Variants in TANC1 observed in about 807,000 individuals in gnomAD.
TANC1 encodes the protein tetratricopeptide repeat, ankyrin repeat and coiled-coil containing 1, also known as protein TANC1.
In TANC1, 77 loss-of-function variants were observed where a neutral mutation model predicts 149.7. That is an observed-to-expected ratio of 0.51 (90% CI 0.43 to 0.62). The LOEUF (loss-of-function observed/expected upper bound fraction) is 0.62, where lower values mean the gene tolerates loss of function less well. TANC1 is among the 20% of genes least tolerant of loss of function. TANC1 has a pLI of 0.00. For synonymous variants in TANC1, 854 were observed against 925.0 expected, an observed-to-expected ratio of 0.92 and a Z score of 1.39; for missense variants, 1,985 against 2,321.8, an observed-to-expected ratio of 0.85 and a Z score of 2.98.
chr2:159,165,056 T>C (rs2054443251), intron 8 of TANC1, among the ~76,000 whole-genome samples: 1 of 152,246 alleles, frequency 6.6e-6, no homozygotes, highest in Non-Finnish European at 1.5e-5. Flanking sequence ...ATCCCAGAAC[T>C]TGATCACTTT....
intron 2 of TANC1, among the ~76,000 whole-genome samples, chr2:159,058,308 T>G (rs2041997489): frequency 6.6e-6 from 1 of 152,238 alleles, no homozygotes; most frequent in Admixed American, 6.5e-5. Flanking sequence ...AATGTGCACT[T>G]CTTCATGTAT....
At chr2:159,228,487 C>A in intron 25 of TANC1, 1 of 340,882 alleles carries the variant, frequency 2.9e-6, no homozygotes. Flanking sequence ...CTGTGCCCTG[C>A]TGCCGGAATA....
Position 159,134,636 on chromosome 2 carries a change from C to A in TANC1, c.260-1558C>A, listed in dbSNP as rs1405284839. 9.8e-5 allele frequency among the ~76,000 whole-genome samples: 15 copies of A among 152,290 alleles called. No individual in the cohort carries two copies. In the East Asian group the frequency reaches 2.5e-3, roughly 25 times the overall value. ...TAGCTGGGATTACAGGCGCCCACTA[C>A]CGCGCCTGGCTAATTTTTGTATTTT... On this transcript the variant is annotated intron_variant, in intron 4 of 26. Coordinates refer to ENST00000263635, the MANE Select transcript of TANC1 (RefSeq NM_033394.3).
At chr2:159,114,780 C>A (rs1473385959) in intron 4 of TANC1, among the ~76,000 whole-genome samples, 1 of 152,194 alleles carries the variant, frequency 6.6e-6, no homozygotes, top group Non-Finnish European at 1.5e-5. Context: ...AGCTCTTACT[C>A]CCCCAGTTCT....
chr2:158,998,313 A>G (rs1328867987), intron 1 of TANC1, among the ~76,000 whole-genome samples: 1 of 152,166 alleles, frequency 6.6e-6, no homozygotes, highest in African/African-American at 2.4e-5. Flanking sequence ...CCTAGATTCT[A>G]TAATTAAGAT....
At chr2:159,055,157 G>T (rs537778135) in intron 2 of TANC1, among the ~76,000 whole-genome samples, 1 of 152,326 alleles carries the variant, frequency 6.6e-6, no homozygotes, top group East Asian at 1.9e-4. Flanking sequence ...TCATAAGGAG[G>T]ATTGGGACTT....
chr2:159,016,426 T>G (rs2038272150), intron 2 of TANC1, among the ~76,000 whole-genome samples: 1 of 152,152 alleles, frequency 6.6e-6, no homozygotes, highest in Non-Finnish European at 1.5e-5. Flanking sequence ...CAAACCATAT[T>G]AGACTTTGAC....
At chr2:159,035,967 G>A (rs1408730492) in intron 2 of TANC1, among the ~76,000 whole-genome samples, 1 of 152,204 alleles carries the variant, frequency 6.6e-6, no homozygotes, top group Non-Finnish European at 1.5e-5. Flanking sequence ...TCCGGACAGA[G>A]GGTCTGAGAG....
In TANC1 at chr2:159,043,820, C is replaced by T. The variant is rs79527259; in HGVS notation, c.-15-22076C>T. Among the ~76,000 whole-genome samples the T allele has an allele frequency of 1.7e-3, 260 of 152,262 alleles. 2 individuals carry two copies. In the East Asian group the frequency reaches 0.031, roughly 18 times the overall value. ...TTTCATTCTTCTACTCCTTATTCCCCGTGAAAAACTTCTTAAAGTTTAATG... is the reference window on the plus strand; with the variant it reads ...TTTCATTCTTCTACTCCTTATTCCCTGTGAAAAACTTCTTAAAGTTTAATG... On this transcript the variant is annotated intron_variant, in intron 2 of 26. Transcript: ENST00000263635.
intron 16 of TANC1, among the ~76,000 whole-genome samples, chr2:159,189,065 C>A (rs560145564): frequency 1.3e-4 from 20 of 152,342 alleles, no homozygotes; most frequent in African/African-American, 4.8e-4. Context: ...TTGGCTTTCT[C>A]ACCTATAAAG....
rs2057020874 is a variant in TANC1 at position 159,186,930 on chromosome 2, C to G, written c.2648C>G (p.Ser883Ter). 2 of 1,614,204 alleles carry G rather than the reference C, an allele frequency of 1.2e-6. No homozygotes were observed. Among genetic ancestry groups the G allele is most frequent in the East Asian group, 4.5e-5 (2 of 44,880 alleles). Residue 883 changes from serine to a stop codon, truncating the protein, a stop_gained, in exon 16 of 27, where the codon TCA (serine) becomes TGA (stop). Coordinates refer to ENST00000263635, the MANE Select transcript of TANC1 (RefSeq NM_033394.3). LOFTEE classifies it high-confidence loss of function. ...CTCAGTAAGAAGACGGGAATTTCTTCAAGCCATCTCCAAGCCCTGTGGATC... is the reference window on the plus strand; with the variant it reads ...CTCAGTAAGAAGACGGGAATTTCTTGAAGCCATCTCCAAGCCCTGTGGATC... Reference protein sequence around the residue: ...KGLSKKTGISSSHLQALWIGY... With the variant: ...KGLSKKTGIS
At chr2:159,208,834 C>T (rs542841919) in intron 19 of TANC1, among the ~76,000 whole-genome samples, 3 of 152,274 alleles carry the variant, frequency 2.0e-5, no homozygotes, top group East Asian at 3.9e-4. Context: ...TTGGTCATTG[C>T]GTGAAAATCC....
At chr2:159,150,310 A>C (rs2052638780) in intron 6 of TANC1, 60 bp from the exon 7 acceptor site, 2 of 1,399,824 alleles carry the variant, frequency 1.4e-6, no homozygotes, top group Non-Finnish European at 2.0e-6. Context: ...CAAAAACAAA[A>C]GCATGTGTCG....
intron 2 of TANC1, among the ~76,000 whole-genome samples, chr2:159,004,755 G>A (rs1040313583): frequency 2.6e-5 from 4 of 152,002 alleles, no homozygotes; most frequent in African/African-American, 7.2e-5. Flanking sequence ...AATATTTGCC[G>A]AGACCAGCTC....
At chr2:159,057,977 G>T (rs986025990) in intron 2 of TANC1, among the ~76,000 whole-genome samples, 1 of 152,276 alleles carries the variant, frequency 6.6e-6, no homozygotes, top group South Asian at 2.1e-4. Flanking sequence ...GTGGTAGGGA[G>T]GTAAGTCTCA....
At chr2:159,187,565 G>T (rs2150623641) in intron 16 of TANC1, among the ~76,000 whole-genome samples, 1 of 152,042 alleles carries the variant, frequency 6.6e-6, no homozygotes, top group Admixed American at 6.5e-5. Context: ...GTTCCACTCA[G>T]CTTTTTAAGG....
chr2:159,035,847 T>C (rs2040147222), intron 2 of TANC1, among the ~76,000 whole-genome samples: 1 of 152,124 alleles, frequency 6.6e-6, no homozygotes, highest in Non-Finnish European at 1.5e-5. Flanking sequence ...TTACAGAAGT[T>C]TTATAAATGG....
At chr2:159,211,605 C>T (rs1247780711) in intron 19 of TANC1, among the ~76,000 whole-genome samples, 1 of 152,192 alleles carries the variant, frequency 6.6e-6, no homozygotes, top group Admixed American at 6.5e-5. Context: ...TTTGCTTAAG[C>T]ATGTGGGTGG....
Position 159,194,460 on chromosome 2 carries a change from G to A in TANC1, c.2946G>A (p.Lys982=). ...LCYAAAAGHM[K]LVCLLTKKGV... is the part of the protein sequence containing the mutation. ...ACGCAGCAGCTGCTGGCCACATGAA[G>A]CTGGTGTGTCTGCTGACCAAGAAGG... Residue 982 remains lysine (K), a synonymous_variant, in exon 17 of 27, where the codon AAG becomes AAA. Transcript: ENST00000263635. 1 of 1,614,262 alleles carries A rather than the reference G, an allele frequency of 6.2e-7. No individual in the cohort carries two copies. The highest frequency in any genetic ancestry group is 1.3e-5 in the African/African-American group (1 of 75,080).
Sources: gnomAD v4.1 joint callset for allele counts (sites outside exome capture counted in the v4.1 genomes callset) on GRCh38, gnomAD v4.1.1 for gene constraint, MANE v1.5 for transcripts, NCBI Gene and HGNC (gene_info 2026-07-23, HGNC 2026-07-21) for gene names.